Variants in ATP2B2 observed in about 807,000 individuals in gnomAD.
ATP2B2 encodes the protein plasma membrane calcium-transporting ATPase 2.
ATP2B2 carries 15 observed loss-of-function variants against 120.0 expected under a neutral mutation model. The ratio of observed to expected loss-of-function variants is 0.12; its 90% CI spans 0.08 to 0.19. ATP2B2 has a LOEUF of 0.19. Ranked by LOEUF, ATP2B2 falls within the 10% of genes least tolerant of loss-of-function variation. ATP2B2 has a pLI of 1.00. For missense variants in ATP2B2, 1,045 were observed against 1,719.8 expected (o/e 0.61, Z 6.94); for synonymous variants, 694 against 700.3 (o/e 0.99, Z 0.14).
intron 1 of ATP2B2, among the ~76,000 whole-genome samples, chr3:10,662,000 A>G (rs903321085): frequency 6.6e-6 from 1 of 152,244 alleles, no homozygotes; most frequent in Non-Finnish European, 1.5e-5. Flanking sequence ...GAAATGGGAA[A>G]AGGATTCCCT....
intron 2 of ATP2B2, among the ~76,000 whole-genome samples, chr3:10,547,428 G>A (rs1032358353): frequency 6.6e-6 from 1 of 152,164 alleles, no homozygotes; most frequent in Non-Finnish European, 1.5e-5. Context: ...ACACGCAACA[G>A]GGAGAAAGGA....
chr3:10,552,767 T>C (rs1014173169), intron 2 of ATP2B2, among the ~76,000 whole-genome samples: 3 of 152,174 alleles, frequency 2.0e-5, no homozygotes, highest in Admixed American at 6.5e-5. Context: ...AATTTACAAA[T>C]GGGTGTCTGT....
intron 1 of ATP2B2, among the ~76,000 whole-genome samples, chr3:10,484,937 C>T (rs937304762): frequency 1.3e-5 from 2 of 152,196 alleles, no homozygotes; most frequent in East Asian, 1.9e-4. Context: ...AAGCTGTTTC[C>T]TTTGCACTGG....
At chr3:10,455,173 C>T (rs2064206695) in intron 1 of ATP2B2, among the ~76,000 whole-genome samples, 1 of 152,172 alleles carries the variant, frequency 6.6e-6, no homozygotes, top group African/African-American at 2.4e-5. Context: ...GTGATTCCTA[C>T]CCTGCCTACC....
intron 2 of ATP2B2, among the ~76,000 whole-genome samples, chr3:10,541,967 C>T (rs918110904): frequency 6.6e-6 from 1 of 152,086 alleles, no homozygotes; most frequent in African/African-American, 2.4e-5. Context: ...GCTATGTCTT[C>T]CTGATTGACC....
intron 1 of ATP2B2, among the ~76,000 whole-genome samples, chr3:10,632,875 C>T (rs1055526297): frequency 6.6e-6 from 1 of 152,196 alleles, no homozygotes. Context: ...TATCCCTGTT[C>T]CCCTGGTGGC....
chr3:10,589,634 T>C (rs897713333), intron 2 of ATP2B2, among the ~76,000 whole-genome samples: 1 of 152,218 alleles, frequency 6.6e-6, no homozygotes, highest in Non-Finnish European at 1.5e-5. Flanking sequence ...GTTTTCCAAA[T>C]GGGATCATAG....
chr3:10,325,096 T>G lies in ATP2B2; in HGVS notation c.*3718A>C, dbSNP rs1373500003. On this transcript the variant is annotated 3_prime_UTR_variant, in exon 23 of 23. Coordinates refer to ENST00000360273, the MANE Select transcript of ATP2B2 (RefSeq NM_001001331.4). ...CAGCAGGCTTCTCTCAAGATCAGGA[T>G]GCCCTTTTTGTCCCTCTTTACAGAA... 1 of 152,198 alleles carries G rather than the reference T, an allele frequency of 6.6e-6. No homozygotes were observed. Among genetic ancestry groups the G allele is most frequent in the African/African-American group, 2.4e-5 (1 of 41,436 alleles). 9.4% of individuals were successfully genotyped at this position (152,198 alleles called of 1,614,324 possible). A position where few individuals can be genotyped will look rare whatever the true frequency, so the allele number is the denominator to read the frequency against.
At chr3:10,360,270 G>A (rs1308806314) in intron 12 of ATP2B2, 147 bp from the exon 13 acceptor site, 25 of 1,378,768 alleles carry the variant, frequency 1.8e-5, no homozygotes, top group Middle Eastern at 5.3e-4. Context: ...CCCATCCCCT[G>A]CACCCTCAGG....
chr3:10,361,165 A>G (rs2060887516), intron 12 of ATP2B2, among the ~76,000 whole-genome samples: 1 of 152,164 alleles, frequency 6.6e-6, no homozygotes, highest in South Asian at 2.1e-4. Context: ...ATTAGGTTGA[A>G]CCAATGGAAA....
At chr3:10,600,582 G>T (rs916810417) in intron 2 of ATP2B2, among the ~76,000 whole-genome samples, 1 of 152,216 alleles carries the variant, frequency 6.6e-6, no homozygotes, top group Admixed American at 6.5e-5. Flanking sequence ...TACAGGCATT[G>T]GCCGTGGATT....
intron 1 of ATP2B2, among the ~76,000 whole-genome samples, chr3:10,495,235 C>T (rs535617716): frequency 3.9e-5 from 6 of 152,310 alleles, no homozygotes; most frequent in East Asian, 3.9e-4. Context: ...GCCCAAGCCA[C>T]GCCTTTTTCC....
chr3:10,611,006 C>T (rs555508377), intron 2 of ATP2B2, among the ~76,000 whole-genome samples: 1 of 152,236 alleles, frequency 6.6e-6, no homozygotes, highest in African/African-American at 2.4e-5. Context: ...TGCAGCCTGA[C>T]TCAACCAGGA....
chr3:10,358,548 A>C, intron 14 of ATP2B2, 143 bp downstream of exon 14: 2 of 867,326 alleles, frequency 2.3e-6, no homozygotes, highest in Non-Finnish European at 3.7e-6. Flanking sequence ...CAATCCTCTT[A>C]TGAGGATCAA....
At chr3:10,694,633 G>T (rs1285091436) in intron 1 of ATP2B2, among the ~76,000 whole-genome samples, 1 of 152,134 alleles carries the variant, frequency 6.6e-6, no homozygotes, top group Non-Finnish European at 1.5e-5. Context: ...AGAGTATATG[G>T]CACCTATTTC....
intron 2 of ATP2B2, among the ~76,000 whole-genome samples, chr3:10,606,946 GAGAGGGGGA>G (rs369254633): frequency 0.013 from 964 of 74,550 alleles, 40 homozygotes; most frequent in African/African-American, 0.07. Flanking sequence ...GAGGGAGAGG[GAGAGGGGGA>G]GGGGGGGAGA....
intron 1 of ATP2B2, chr3:10,626,818 A>G (rs1009514375): frequency 6.6e-6 from 1 of 151,712 alleles, no homozygotes; most frequent in African/African-American, 2.4e-5. Flanking sequence ...TCTATGAGAA[A>G]AAGAATTAAT....
intron 1 of ATP2B2, among the ~76,000 whole-genome samples, chr3:10,681,525 C>T (rs910294231): frequency 6.6e-6 from 1 of 152,260 alleles, no homozygotes; most frequent in Non-Finnish European, 1.5e-5. Context: ...CGCTCACTCA[C>T]CTGTTCATGC....
At chr3:10,683,758 G>GTA (rs2071440940) in intron 1 of ATP2B2, among the ~76,000 whole-genome samples, 11 of 33,636 alleles carry the variant, frequency 3.3e-4, no homozygotes, top group Non-Finnish European at 5.4e-4. Flanking sequence ...ATGTGTGTGT[G>GTA]TGTATATATA....
Sources: gnomAD v4.1 joint callset for allele counts (sites outside exome capture counted in the v4.1 genomes callset) on GRCh38, gnomAD v4.1.1 for gene constraint, MANE v1.5 for transcripts, NCBI Gene and HGNC (gene_info 2026-07-23, HGNC 2026-07-21) for gene names.